Variants in AGBL1 observed in about 807,000 individuals in gnomAD.
AGBL1 encodes the protein cytosolic carboxypeptidase 4.
In AGBL1, 130 loss-of-function variants were observed where a neutral mutation model predicts 118.9. The ratio of observed to expected loss-of-function variants is 1.09; its 90% CI spans 0.95 to 1.26. The LOEUF (loss-of-function observed/expected upper bound fraction) is 1.26, where lower values mean the gene tolerates loss of function less well. Among genes scored for constraint, AGBL1 ranks in the 50% most tolerant of loss-of-function variants. The pLI is 0.00. For synonymous variants in AGBL1, 555 were observed against 478.9 expected (o/e 1.16, Z -2.08); for missense variants, 1,584 against 1,298.1 (o/e 1.22, Z -3.38).
chr15:86,231,911 G>A (rs1032913919), intron 6 of AGBL1, among the ~76,000 whole-genome samples: 1 of 152,214 alleles, frequency 6.6e-6, no homozygotes, highest in African/African-American at 2.4e-5. Flanking sequence ...CTGTCATTGA[G>A]GTTAGAAAAG....
rs7167966 is a variant in AGBL1, at chr15:86,392,738, C to A, written c.2375-4628C>A. On this transcript the variant is annotated intron_variant, in intron 17 of 22. Coordinates refer to ENST00000614907, the MANE Select transcript of AGBL1 (RefSeq NM_001386094.1). Reference sequence around the variant, plus strand: ...TAATCTCTTTTTACAGATGTCATTACCACTATAAATTCAATATATAGCTTT... The same window carrying A: ...TAATCTCTTTTTACAGATGTCATTAACACTATAAATTCAATATATAGCTTT... Among the ~76,000 whole-genome samples the A allele has an allele frequency of 5.7e-3, 868 of 152,264 alleles. 6 individuals carry two copies. Among genetic ancestry groups the A allele is most frequent in the African/African-American group, 0.018 (745 of 41,544 alleles).
chr15:86,702,806 T>C (rs1028577366), intron 22 of AGBL1, among the ~76,000 whole-genome samples: 2 of 152,084 alleles, frequency 1.3e-5, no homozygotes, highest in African/African-American at 4.8e-5. Context: ...TTCCAGGAGT[T>C]TCTTAGCTTC....
chr15:86,435,178 C>T (rs2081986642), intron 18 of AGBL1, among the ~76,000 whole-genome samples: 1 of 151,528 alleles, frequency 6.6e-6, no homozygotes, highest in African/African-American at 2.4e-5. Flanking sequence ...TAAATCTCTA[C>T]ATAAGCACAT....
At chr15:86,605,298 TG>T (rs1399057916) in intron 21 of AGBL1, among the ~76,000 whole-genome samples, 3 of 152,064 alleles carry the variant, frequency 2.0e-5, no homozygotes, top group African/African-American at 7.2e-5. Context: ...TCTGTCCTGT[TG>T]GTGACTTTTT....
intron 24 of AGBL1, among the ~76,000 whole-genome samples, chr15:87,003,681 C>G (rs4281675): frequency 0.099 from 15,054 of 152,094 alleles, 1,327 homozygotes; most frequent in African/African-American, 0.23. Context: ...TTCAGAGATT[C>G]AACTTCTTCC....
intron 22 of AGBL1, among the ~76,000 whole-genome samples, chr15:86,897,495 T>G (rs2080144846): frequency 6.6e-6 from 1 of 152,218 alleles, no homozygotes; most frequent in African/African-American, 2.4e-5. Flanking sequence ...TCTCTCCTAT[T>G]AACTTCTTTC....
intron 1 of AGBL1, among the ~76,000 whole-genome samples, chr15:86,114,426 A>C (rs1350204899): frequency 6.6e-6 from 1 of 152,186 alleles, no homozygotes; most frequent in African/African-American, 2.4e-5. Flanking sequence ...TGCAGAAGAC[A>C]TTCTCTGTTG....
chr15:86,197,357 G>T (rs867234904), intron 5 of AGBL1, among the ~76,000 whole-genome samples: 4 of 152,200 alleles, frequency 2.6e-5, no homozygotes, highest in Non-Finnish European at 5.9e-5. Flanking sequence ...TGGAAAGAAC[G>T]TTGGTAGAAG....
intron 17 of AGBL1, among the ~76,000 whole-genome samples, chr15:86,380,344 G>A (rs373700534): frequency 9.4e-5 from 9 of 95,766 alleles, no homozygotes; most frequent in East Asian, 1.1e-3. Flanking sequence ...GAGGACAGTG[G>A]TGCAATCTCG....
intron 22 of AGBL1, among the ~76,000 whole-genome samples, chr15:86,718,709 G>A (rs1314444696): frequency 2.6e-5 from 4 of 152,078 alleles, no homozygotes; most frequent in African/African-American, 9.7e-5. Context: ...AAAATCTGAG[G>A]TGAAGTTAAT....
rs114845536 is a variant in AGBL1, at chr15:86,845,317, G to C, written c.3159-61770G>C. ...TAATTTTGTTAAATCCTTTTTATAG[G>C]CAGTGATTGAGATGACTGTACTCTC... On this transcript the variant is annotated intron_variant, in intron 22 of 22. Transcript: ENST00000614907. 2.8e-3 allele frequency among the ~76,000 whole-genome samples: 427 copies of C among 151,982 alleles called. 4 individuals carry two copies. The highest frequency in any genetic ancestry group is 9.6e-3 in the African/African-American group (398 of 41,460).
intron 16 of AGBL1, among the ~76,000 whole-genome samples, chr15:86,280,393 T>C (rs1186987856): frequency 6.6e-6 from 1 of 152,146 alleles, no homozygotes; most frequent in Admixed American, 6.5e-5. Flanking sequence ...CAGTGCAGAC[T>C]CACAGTTAGC....
intron 23 of AGBL1, among the ~76,000 whole-genome samples, chr15:86,964,549 G>A (rs1397182414): frequency 1.3e-5 from 2 of 151,836 alleles, no homozygotes; most frequent in Non-Finnish European, 2.9e-5. Context: ...ATCACCTCCT[G>A]AACATGAACC....
At chr15:86,740,881 A>G (rs553458656) in intron 22 of AGBL1, among the ~76,000 whole-genome samples, 1 of 152,306 alleles carries the variant, frequency 6.6e-6, no homozygotes, top group South Asian at 2.1e-4. Context: ...GAAATTGATA[A>G]CTGGAATGCC....
intron 17 of AGBL1, among the ~76,000 whole-genome samples, chr15:86,300,556 C>T (rs1181024629): frequency 2.0e-5 from 3 of 152,110 alleles, no homozygotes; most frequent in South Asian, 2.1e-4. Context: ...ACAAAGGTGG[C>T]TGGGAGGGGG....
chr15:86,371,292 G>A (rs571870915), intron 17 of AGBL1, among the ~76,000 whole-genome samples: 312 of 152,248 alleles, frequency 2.0e-3, no homozygotes, highest in Non-Finnish European at 3.0e-3. Flanking sequence ...AAGCAATGGC[G>A]GTCATTGGGG....
chr15:86,788,024 G>A (rs554369493), intron 22 of AGBL1, among the ~76,000 whole-genome samples: 1 of 152,240 alleles, frequency 6.6e-6, no homozygotes, highest in Admixed American at 6.5e-5. Flanking sequence ...AGTCAAGTAA[G>A]GGAACAAAGA....
At chr15:86,778,739 A>G (rs2078292956) in intron 22 of AGBL1, among the ~76,000 whole-genome samples, 1 of 152,176 alleles carries the variant, frequency 6.6e-6, no homozygotes, top group Non-Finnish European at 1.5e-5. Context: ...CAATTTGTGC[A>G]GTTAACACAA....
At chr15:86,975,128 A>G (rs2081160917) in intron 23 of AGBL1, among the ~76,000 whole-genome samples, 2 of 151,992 alleles carry the variant, frequency 1.3e-5, no homozygotes, top group African/African-American at 2.4e-5. Flanking sequence ...AATGTCCCAC[A>G]GTGGTTTCCC....
Sources: allele counts gnomAD v4.1 joint callset (sites outside exome capture counted in the v4.1 genomes callset), GRCh38; gene constraint gnomAD v4.1.1; transcripts MANE v1.5; gene names NCBI Gene and HGNC (gene_info 2026-07-23, HGNC 2026-07-21).